The following PDE9A variants were observed in gnomAD, a reference collection of about 807,000 sequenced individuals.
The protein encoded by PDE9A is phosphodiesterase 9A.
A neutral mutation model predicts 87.4 loss-of-function variants in PDE9A; 60 were observed. The observed-to-expected ratio is 0.69, with a 90% confidence interval of 0.56 to 0.85. The LOEUF is 0.85. Among genes scored for constraint, PDE9A ranks in the 40% least tolerant of loss-of-function variants. The pLI is 0.00. For missense variants in PDE9A, 665 were observed against 779.0 expected (o/e 0.85, Z 1.74); for synonymous variants, 272 against 279.4 (o/e 0.97, Z 0.27).
At chr21:42,749,646 A>C (rs535955905) in intron 8 of PDE9A, among the ~76,000 whole-genome samples, 1 of 152,224 alleles carries the variant, frequency 6.6e-6, no homozygotes, top group East Asian at 1.9e-4. Flanking sequence ...CTAACATTAC[A>C]TGTAACAGGG....
chr21:42,676,339 C>T (rs2058842696), intron 1 of PDE9A, among the ~76,000 whole-genome samples: 1 of 152,236 alleles, frequency 6.6e-6, no homozygotes, highest in Non-Finnish European at 1.5e-5. Context: ...TCCACAACCA[C>T]AGTCACAGTC....
chr21:42,737,438 A>T (rs994663871), intron 7 of PDE9A, among the ~76,000 whole-genome samples: 12 of 151,958 alleles, frequency 7.9e-5, no homozygotes, highest in Non-Finnish European at 1.6e-4. Context: ...AGCTGCTGTG[A>T]GCTGTTTTGT....
chr21:42,665,150 GATGC>G (rs2057879104), intron 1 of PDE9A, among the ~76,000 whole-genome samples: 2 of 152,242 alleles, frequency 1.3e-5, no homozygotes, highest in African/African-American at 4.8e-5. Context: ...AGACCAGAGT[GATGC>G]ATGTACAAGC....
intron 9 of PDE9A, among the ~76,000 whole-genome samples, chr21:42,753,288 G>A (rs145249723): frequency 1.3e-5 from 2 of 152,298 alleles, no homozygotes; most frequent in Admixed American, 6.5e-5. Context: ...TTACAAGCAT[G>A]AGCCACCATG....
In PDE9A at chr21:42,760,436, G is replaced by T; in HGVS notation, c.1002+4G>T. On this transcript the variant is annotated splice_donor_region_variant and intron_variant, in intron 12 of 19. Transcript: ENST00000291539. The surrounding 1 kb of genome is among the most constrained non-coding windows in gnomAD (Gnocchi z 5.2). ...GGTCTGGCTCTGCAGTCTCCAGGTG[G>T]GTCCTGCCCGCTGCACACCCAGACC... 1 of 1,554,230 alleles carries T rather than the reference G, an allele frequency of 6.4e-7. No homozygotes were observed. Among genetic ancestry groups the T allele is most frequent in the Non-Finnish European group, 8.8e-7 (1 of 1,133,510 alleles).
intron 1 of PDE9A, among the ~76,000 whole-genome samples, chr21:42,674,229 C>T (rs1040833037): frequency 1.3e-5 from 2 of 152,038 alleles, no homozygotes; most frequent in African/African-American, 4.8e-5. Context: ...CACCCTTCCT[C>T]ATCACTGAAA....
At chr21:42,701,213 A>G (rs1266571857) in intron 4 of PDE9A, 2 of 151,896 alleles carry the variant, frequency 1.3e-5, no homozygotes, top group African/African-American at 4.9e-5. Flanking sequence ...CATGTATTTA[A>G]TGGTACTGCA....
intron 7 of PDE9A, chr21:42,741,284 C>T (rs946519367): frequency 6.6e-6 from 1 of 152,200 alleles, no homozygotes; most frequent in African/African-American, 2.4e-5. Flanking sequence ...ACATGCAAAC[C>T]CAAAATGTGT....
At chr21:42,726,611 TATATA>T (rs1250814052) in intron 4 of PDE9A, among the ~76,000 whole-genome samples, 4 of 27,298 alleles carry the variant, frequency 1.5e-4, no homozygotes, top group African/African-American at 1.0e-3. Flanking sequence ...TATATATATA[TATATA>T]TATATATATT....
intron 7 of PDE9A, chr21:42,734,725 G>A (rs1208929486): frequency 6.6e-6 from 1 of 152,248 alleles, no homozygotes; most frequent in Non-Finnish European, 1.5e-5. Context: ...TTTTCAAAGT[G>A]TGTTGACATT....
intron 9 of PDE9A, among the ~76,000 whole-genome samples, chr21:42,752,420 C>T (rs539412837): frequency 9.9e-5 from 15 of 152,252 alleles, no homozygotes; most frequent in Admixed American, 2.6e-4. Flanking sequence ...AGGCACCCAC[C>T]GCCATGCCCG....
At chr21:42,724,128 A>T (rs1365851694) in intron 4 of PDE9A, among the ~76,000 whole-genome samples, 1 of 152,158 alleles carries the variant, frequency 6.6e-6, no homozygotes, top group Non-Finnish European at 1.5e-5. Context: ...GGCCACATTC[A>T]GGTGGTGCAG....
At chr21:42,665,577 C>A (rs940159368) in intron 1 of PDE9A, among the ~76,000 whole-genome samples, 1 of 152,186 alleles carries the variant, frequency 6.6e-6, no homozygotes, top group Non-Finnish European at 1.5e-5. Context: ...TGGTGGCCAC[C>A]CCCGACCTTG....
Position 42,723,339 on chromosome 21 carries a change from C to T in PDE9A, c.263-8431C>T, listed in dbSNP as rs549676965. Among the ~76,000 whole-genome samples, 7 of 152,328 alleles carry T rather than the reference C, an allele frequency of 4.6e-5. No homozygotes were observed. The highest frequency in any genetic ancestry group is 3.9e-4 in the East Asian group (2 of 5,182). On this transcript the variant is annotated intron_variant, in intron 4 of 19. Transcript: ENST00000291539. The surrounding 1 kb of genome is among the most constrained non-coding windows in gnomAD (Gnocchi z 4.3). ...GACATGCAAACAATTCTGCCAGCCC[C>T]GGCCAGCATTCCCTGCATGTGCTTA...
chr21:42,761,948 C>A, intron 13 of PDE9A, 135 bp from the exon 14 acceptor site: 1 of 834,550 alleles, frequency 1.2e-6, no homozygotes, highest in Non-Finnish European at 1.8e-6. Context: ...GGCCAGGGCA[C>A]AGGCAGCTCC....
chr21:42,768,092 C>T (rs952961574), intron 15 of PDE9A, 96 bp from the exon 16 acceptor site: 3 of 774,488 alleles, frequency 3.9e-6, no homozygotes, highest in Admixed American at 3.7e-5. Flanking sequence ...GGTCCTCCGT[C>T]TCTTCCTGCC....
At chr21:42,700,444 A>G (rs945910802) in intron 4 of PDE9A, among the ~76,000 whole-genome samples, 1 of 152,204 alleles carries the variant, frequency 6.6e-6, no homozygotes, top group Non-Finnish European at 1.5e-5. Flanking sequence ...CGTCTTCCCT[A>G]AGAGTGGATA....
chr21:42,709,879 G>A (rs937911111), intron 4 of PDE9A, among the ~76,000 whole-genome samples: 2 of 152,194 alleles, frequency 1.3e-5, no homozygotes, highest in Non-Finnish European at 2.9e-5. Flanking sequence ...ATGTTTGTAA[G>A]ATCCATTCGT....
intron 4 of PDE9A, among the ~76,000 whole-genome samples, chr21:42,717,333 C>G (rs2050035466): frequency 2.0e-5 from 2 of 100,456 alleles, no homozygotes; most frequent in Admixed American, 3.1e-4. Context: ...ATGTCTTGCT[C>G]TGTCGCCCAG....
Sources: gnomAD v4.1 joint callset for allele counts (sites outside exome capture counted in the v4.1 genomes callset) on GRCh38, gnomAD v4.1.1 for gene constraint, Gnocchi (gnomAD v3.1) non-coding constraint, MANE v1.5 for transcripts, NCBI Gene and HGNC (gene_info 2026-07-23, HGNC 2026-07-21) for gene names.